DYNLRB1: variants seen among roughly 807,000 people sequenced by gnomAD.
DYNLRB1 encodes the protein dynein light chain roadblock-type 1.
A neutral mutation model predicts 13.5 loss-of-function variants in DYNLRB1; 6 were observed. That is an observed-to-expected ratio of 0.44 (90% CI 0.24 to 0.88). The LOEUF (loss-of-function observed/expected upper bound fraction) is 0.88, where lower values mean the gene tolerates loss of function less well. Among genes scored for constraint, DYNLRB1 ranks in the 40% least tolerant of loss-of-function variants. DYNLRB1 has a pLI of 0.21. For synonymous variants in DYNLRB1, 43 were observed against 45.0 expected (o/e 0.96, Z 0.18); for missense variants, 93 against 127.2 (o/e 0.73, Z 1.29).
At chr20:34,530,343 C>T in intron 2 of DYNLRB1, 1 of 957,520 alleles carries the variant, frequency 1.0e-6, no homozygotes. Context: ...CTTAACTTAT[C>T]AGCTATGTGG....
intron 1 of DYNLRB1, among the ~76,000 whole-genome samples, chr20:34,524,731 TG>T (rs1980042669): frequency 6.6e-6 from 1 of 151,368 alleles, no homozygotes; most frequent in Non-Finnish European, 1.5e-5. Flanking sequence ...CTTTTTTTTT[TG>T]TTTTTTTTTT....
At chr20:34,536,479 G>A (rs1981150313) in intron 3 of DYNLRB1, 2 of 985,286 alleles carry the variant, frequency 2.0e-6, no homozygotes, top group South Asian at 9.4e-5. Flanking sequence ...GAGCGCAGTG[G>A]CTCACGCCTG....
intron 3 of DYNLRB1, chr20:34,535,661 C>G (rs967189557): frequency 2.7e-5 from 27 of 985,180 alleles, no homozygotes; most frequent in African/African-American, 3.5e-5. Context: ...AGTGTGCGTG[C>G]GTCACGTATG....
intron 2 of DYNLRB1, chr20:34,531,070 C>T (rs1028524994): frequency 6.6e-6 from 1 of 152,252 alleles, no homozygotes. Context: ...CTGCCATCCT[C>T]TGCTGCTACC....
intron 3 of DYNLRB1, among the ~76,000 whole-genome samples, chr20:34,538,258 A>G (rs1216728441): frequency 6.7e-6 from 1 of 148,484 alleles, no homozygotes; most frequent in African/African-American, 2.5e-5. Context: ...GTGAGCCACC[A>G]TGCCCGGCCA....
chr20:34,526,482 GTTCTT>G, intron 2 of DYNLRB1, 139 bp downstream of exon 2: 1 of 266,986 alleles, frequency 3.7e-6, no homozygotes, highest in Non-Finnish European at 6.4e-6. Context: ...CACCTCCAGT[GTTCTT>G]TTTTTTTTTT....
At chr20:34,531,225 G>GT (rs1284900740) in intron 2 of DYNLRB1, 1 of 152,226 alleles carries the variant, frequency 6.6e-6, no homozygotes, top group African/African-American at 2.4e-5. Flanking sequence ...TTTTTTAGAT[G>GT]TTTTTTATCA....
intron 2 of DYNLRB1, among the ~76,000 whole-genome samples, chr20:34,532,366 C>G (rs985467671): frequency 4.6e-5 from 7 of 152,168 alleles, no homozygotes; most frequent in African/African-American, 1.7e-4. Flanking sequence ...AAGGGCAGAG[C>G]TGGGTGTAAG....
intron 2 of DYNLRB1, among the ~76,000 whole-genome samples, chr20:34,527,477 C>T (rs1246747234): frequency 6.6e-6 from 1 of 151,950 alleles, no homozygotes; most frequent in East Asian, 1.9e-4. Context: ...TTTGTTCATA[C>T]AAACTCTGAT....
chr20:34,537,469 C>G (rs1196992741), intron 3 of DYNLRB1, among the ~76,000 whole-genome samples: 1 of 152,202 alleles, frequency 6.6e-6, no homozygotes, highest in Non-Finnish European at 1.5e-5. Context: ...AAACCTCCCT[C>G]CACTGCTGAC....
chr20:34,534,344 G>A (rs1033126814), intron 2 of DYNLRB1, among the ~76,000 whole-genome samples: 1 of 152,242 alleles, frequency 6.6e-6, no homozygotes, highest in Non-Finnish European at 1.5e-5. Context: ...GCCTGCATGT[G>A]AATCCTGGCC....
At chr20:34,536,774 G>A (rs958901950) in intron 3 of DYNLRB1, among the ~76,000 whole-genome samples, 2 of 151,028 alleles carry the variant, frequency 1.3e-5, no homozygotes, top group East Asian at 1.9e-4. Flanking sequence ...AAGTTGGGCC[G>A]GGAACAGTCC....
chr20:34,521,930 C>T (rs980282077), intron 1 of DYNLRB1, among the ~76,000 whole-genome samples: 1 of 151,780 alleles, frequency 6.6e-6, no homozygotes. Flanking sequence ...CCCACGTGTT[C>T]GGGAGGCTGA....
At chr20:34,516,712 G>T in intron 1 of DYNLRB1, 1 of 1,531,438 alleles carries the variant, frequency 6.5e-7, no homozygotes, top group South Asian at 1.2e-5. Context: ...CGGCCAGGAA[G>T]AGATGATGGG....
chr20:34,539,323 CATTTTGAA>C (rs1381761970), intron 3 of DYNLRB1, among the ~76,000 whole-genome samples: 1 of 152,126 alleles, frequency 6.6e-6, no homozygotes, highest in Non-Finnish European at 1.5e-5. Flanking sequence ...TGCTTTGTCC[CATTTTGAA>C]ATTTTCTTAT....
Position 34,537,926 on chromosome 20 carries a change from C to T in DYNLRB1, c.248-2655C>T, listed in dbSNP as rs540539833. 2.6e-5 allele frequency among the ~76,000 whole-genome samples: 4 copies of T among 151,886 alleles called. No individual in the cohort carries two copies. In the South Asian group the frequency reaches 8.3e-4, roughly 32 times the overall value. ...GCAGCAGGTGTTCCAGACAGTGTGG[C>T]TCTCCACATGTGTGCCACATTCACC... On this transcript the variant is annotated intron_variant, in intron 3 of 3. Coordinates refer to ENST00000357156, the MANE Select transcript of DYNLRB1 (RefSeq NM_014183.4).
intron 2 of DYNLRB1, chr20:34,533,585 C>T (rs1017294840): frequency 2.3e-6 from 2 of 881,512 alleles, no homozygotes; most frequent in African/African-American, 3.6e-5. Flanking sequence ...CTTTGGAAGG[C>T]CGAGGCGGGT....
chr20:34,525,185 C>G (rs549750862), intron 1 of DYNLRB1, among the ~76,000 whole-genome samples: 29 of 152,104 alleles, frequency 1.9e-4, no homozygotes, highest in South Asian at 1.2e-3. Context: ...GAGGATCCCC[C>G]CCCCCATTTC....
At position 34,535,877 on chromosome 20, in the gene DYNLRB1, G is replaced by A. The variant is rs536249430; in HGVS notation, c.247+1082G>A. On this transcript the variant is annotated intron_variant, in intron 3 of 3. Transcript: ENST00000357156. ...AGGACCTGGATAAAGGAAGGCAGTGGGGGGTCTGGGGACACTGAATGCTCT... is the reference window on the plus strand; with the variant it reads ...AGGACCTGGATAAAGGAAGGCAGTGAGGGGTCTGGGGACACTGAATGCTCT... The A allele has an allele frequency of 1.2e-4, 122 of 985,326 alleles. No individual in the cohort carries two copies. In the South Asian group the frequency reaches 4.9e-3, roughly 39 times the overall value. 61.0% of individuals were successfully genotyped at this position (985,326 alleles called of 1,614,324 possible). A position where few individuals can be genotyped will look rare whatever the true frequency, so the allele number is the denominator to read the frequency against.
Sources: gnomAD v4.1 joint callset for allele counts (sites outside exome capture counted in the v4.1 genomes callset) on GRCh38, gnomAD v4.1.1 for gene constraint, MANE v1.5 for transcripts, NCBI Gene and HGNC (gene_info 2026-07-23, HGNC 2026-07-21) for gene names.